The following GPHN variants were observed in gnomAD, a reference collection of about 807,000 sequenced individuals.
GPHN encodes the protein gephyrin.
A neutral mutation model predicts 95.5 loss-of-function variants in GPHN; 17 were observed. The ratio of observed to expected loss-of-function variants is 0.18; its 90% confidence interval spans 0.12 to 0.27. GPHN has a LOEUF of 0.27. Among genes scored for constraint, GPHN ranks in the 10% least tolerant of loss-of-function variants. The pLI, the probability that GPHN is intolerant of heterozygous loss-of-function variation, is 1.00. For synonymous variants in GPHN, 320 were observed against 322.5 expected, an observed-to-expected ratio of 0.99 and a Z score of 0.08; for missense variants, 660 against 978.1, an observed-to-expected ratio of 0.67 and a Z score of 4.34.
chr14:67,453,675 G>T, the GPHN span, among the ~76,000 whole-genome samples: 9 of 152,232 alleles, frequency 5.9e-5, no homozygotes, highest in African/African-American at 1.9e-4. Flanking sequence ...GGGATGAGAA[G>T]CAGCGGGTGG....
At chr14:66,927,310 C>T (rs2066531155) in intron 8 of GPHN, among the ~76,000 whole-genome samples, 2 of 148,940 alleles carry the variant, frequency 1.3e-5, no homozygotes, top group South Asian at 2.1e-4. Context: ...GATCGTGCCA[C>T]TGCACTTCAG....
At chr14:66,758,763 C>G (rs937493953) in intron 2 of GPHN, among the ~76,000 whole-genome samples, 22 of 152,248 alleles carry the variant, frequency 1.4e-4, no homozygotes, top group African/African-American at 5.3e-4. Flanking sequence ...TTTCTATCAC[C>G]TGGCAGGATT....
At chr14:67,618,103 GA>G in the GPHN span, among the ~76,000 whole-genome samples, 1 of 152,220 alleles carries the variant, frequency 6.6e-6, no homozygotes, top group Admixed American at 6.5e-5. Flanking sequence ...AGTAAAGGGG[GA>G]AAAAAATTGA....
At chr14:67,231,742 C>T in the GPHN span, among the ~76,000 whole-genome samples, 8 of 151,942 alleles carry the variant, frequency 5.3e-5, no homozygotes, top group East Asian at 1.9e-4. Flanking sequence ...CCGAGGTGGG[C>T]GGAGCACTTG....
the GPHN span, chr14:67,725,363 G>A: frequency 8.7e-7 from 1 of 1,149,662 alleles, no homozygotes; most frequent in South Asian, 1.3e-5. Flanking sequence ...CACCCCACTA[G>A]ACAGGTTCTG....
the GPHN span, among the ~76,000 whole-genome samples, chr14:67,298,486 G>T: frequency 6.7e-6 from 1 of 149,666 alleles, no homozygotes; most frequent in Non-Finnish European, 1.5e-5. Flanking sequence ...TTGCACTCCA[G>T]CCTGGGCGAC....
the GPHN span, among the ~76,000 whole-genome samples, chr14:67,549,259 A>C: frequency 1.3e-5 from 2 of 151,232 alleles, no homozygotes; most frequent in African/African-American, 4.9e-5. Context: ...GTGTGTGTGT[A>C]AAAGAGATTT....
rs1351055816 is a variant in GPHN, at chr14:66,865,609, CTATATA to C, written c.295-14328_295-14323del. Among the ~76,000 whole-genome samples the C allele has an allele frequency of 2.6e-5, 4 of 152,200 alleles. No individual in the cohort carries two copies. In the East Asian group the frequency reaches 7.7e-4, roughly 29 times the overall value. The stretch of plus-strand genomic sequence containing the variant: ...AAACCTGATTAGGTACAGAAGAAGC[CTATATA>C]TGTCCTTATTACAGTGTTGAGTAAA... On this transcript the variant is annotated intron_variant, in intron 4 of 22. Coordinates refer to ENST00000478722, the MANE Select transcript of GPHN (RefSeq NM_020806.5).
At chr14:66,573,534 C>A (rs2060782249) in intron 1 of GPHN, among the ~76,000 whole-genome samples, 1 of 151,178 alleles carries the variant, frequency 6.6e-6, no homozygotes. Flanking sequence ...CTCATTGCAA[C>A]CTCTGCCTCT....
chr14:67,680,958 AC>A, the GPHN span, among the ~76,000 whole-genome samples: 9 of 152,214 alleles, frequency 5.9e-5, no homozygotes, highest in African/African-American at 2.2e-4. Context: ...TGAAACATAA[AC>A]CCTTATATTT....
intron 3 of GPHN, among the ~76,000 whole-genome samples, chr14:66,802,252 A>G (rs2153477402): frequency 6.6e-6 from 1 of 152,278 alleles, no homozygotes; most frequent in Admixed American, 6.5e-5. Context: ...CCACCATCTC[A>G]GGCTTATGGC....
At chr14:67,343,426 T>A in the GPHN span, 1 of 1,607,000 alleles carries the variant, frequency 6.2e-7, no homozygotes, top group Non-Finnish European at 8.5e-7. Flanking sequence ...TCATCCAAAG[T>A]AACAAAAGAA....
chr14:67,289,768 CCT>C, the GPHN span, among the ~76,000 whole-genome samples: 15,735 of 94,626 alleles, frequency 0.17, 3,076 homozygotes, highest in East Asian at 0.45. Flanking sequence ...TTTTCCATGT[CCT>C]TTTTTTTTTT....
At chr14:66,694,808 T>C (rs954759973) in intron 2 of GPHN, among the ~76,000 whole-genome samples, 3 of 152,226 alleles carry the variant, frequency 2.0e-5, no homozygotes, top group Admixed American at 1.3e-4. Flanking sequence ...ACGCATCTGA[T>C]AATGTACTAT....
intron 1 of GPHN, among the ~76,000 whole-genome samples, chr14:66,516,739 T>G (rs1449015059): frequency 1.3e-5 from 2 of 152,262 alleles, no homozygotes; most frequent in Non-Finnish European, 2.9e-5. Context: ...ATGTTTCTTT[T>G]AATTATTTCT....
the GPHN span, among the ~76,000 whole-genome samples, chr14:67,511,361 A>T: frequency 0.64 from 96,439 of 151,364 alleles, 32,363 homozygotes; most frequent in Non-Finnish European, 0.76. Flanking sequence ...AAACAAAAAA[A>T]CAAAAAAAAC....
the GPHN span, among the ~76,000 whole-genome samples, chr14:67,535,591 A>T: frequency 6.6e-6 from 1 of 152,014 alleles, no homozygotes; most frequent in Non-Finnish European, 1.5e-5. Flanking sequence ...CATGTTGGCC[A>T]GTCTGGTTGA....
intron 1 of GPHN, among the ~76,000 whole-genome samples, chr14:66,607,458 T>G (rs951370843): frequency 1.1e-4 from 17 of 152,096 alleles, no homozygotes; most frequent in African/African-American, 4.1e-4. Flanking sequence ...TGAAGTTTTC[T>G]TTTTTGTTGT....
intron 5 of GPHN, among the ~76,000 whole-genome samples, chr14:66,888,875 T>G (rs936791356): frequency 6.6e-6 from 1 of 151,910 alleles, no homozygotes; most frequent in African/African-American, 2.4e-5. Flanking sequence ...AAGTTGAAAG[T>G]GAAAGGATAG....
Sources: allele counts gnomAD v4.1 joint callset (sites outside exome capture counted in the v4.1 genomes callset), GRCh38; gene constraint gnomAD v4.1.1; transcripts MANE v1.5; gene names NCBI Gene and HGNC (gene_info 2026-07-23, HGNC 2026-07-21).